LAMA2: variants seen among roughly 807,000 people sequenced by gnomAD.
The protein encoded by LAMA2 is laminin subunit alpha 2, also known as laminin subunit alpha-2.
A neutral mutation model predicts 364.8 loss-of-function variants in LAMA2; 269 were observed. The ratio of observed to expected loss-of-function variants is 0.74; its 90% CI spans 0.67 to 0.82. The LOEUF (loss-of-function observed/expected upper bound fraction) is 0.82, where lower values mean the gene tolerates loss of function less well. Ranked by LOEUF, LAMA2 falls within the 40% of genes least tolerant of loss-of-function variation. The probability of loss-of-function intolerance (pLI) is 0.00; values close to 1 mark genes in which losing one functional copy is unlikely to be tolerated. For missense variants in LAMA2, 3,807 were observed against 3,873.2 expected (o/e 0.98, Z 0.45); for synonymous variants, 1,379 against 1,370.6 (o/e 1.01, Z -0.14).
intron 56 of LAMA2, among the ~76,000 whole-genome samples, chr6:129,488,214 G>A (rs149764064): frequency 6.6e-6 from 1 of 152,270 alleles, no homozygotes; most frequent in Admixed American, 6.5e-5. Flanking sequence ...GGAGGCTGAG[G>A]CAGGAGAAAT....
In LAMA2 at chr6:129,297,646, T is replaced by C. The variant is rs117096733; in HGVS notation, c.2857-39T>C. ...GCATCTTGCTTCACTTCGAGTTAACTGATTTAAATTTAATTTTTCTCTCCT... is the reference window on the plus strand; with the variant it reads ...GCATCTTGCTTCACTTCGAGTTAACCGATTTAAATTTAATTTTTCTCTCCT... On this transcript the variant is annotated intron_variant, in intron 20 of 64. Coordinates refer to ENST00000421865, the MANE Select transcript of LAMA2 (RefSeq NM_000426.4). The C allele has an allele frequency of 0.014, 22,693 of 1,598,178 alleles. 205 individuals are homozygous for C. The highest frequency in any genetic ancestry group is 0.017 in the Non-Finnish European group (19,461 of 1,167,394).
intron 1 of LAMA2, among the ~76,000 whole-genome samples, chr6:128,913,396 A>G (rs1044471838): frequency 9.2e-5 from 14 of 152,192 alleles, no homozygotes; most frequent in African/African-American, 3.4e-4. Context: ...ACACATTTCT[A>G]TGAAAAAAAG....
chr6:129,200,154 G>GTA (rs200780219), intron 12 of LAMA2, among the ~76,000 whole-genome samples: 26 of 133,208 alleles, frequency 2.0e-4, no homozygotes, highest in Admixed American at 5.3e-4. Context: ...ATATACACGT[G>GTA]TATATATATA....
At chr6:129,191,361 A>T (rs1300113545) in intron 11 of LAMA2, among the ~76,000 whole-genome samples, 1 of 152,238 alleles carries the variant, frequency 6.6e-6, no homozygotes, top group African/African-American at 2.4e-5. Context: ...ATGAAATATT[A>T]TCTATACGTT....
intron 4 of LAMA2, among the ~76,000 whole-genome samples, chr6:129,133,262 G>A (rs1393119480): frequency 1.3e-5 from 2 of 152,132 alleles, no homozygotes; most frequent in Admixed American, 6.5e-5. Flanking sequence ...GCTAGGCCAG[G>A]GGCTGTATTT....
intron 32 of LAMA2, among the ~76,000 whole-genome samples, chr6:129,363,777 G>T (rs894615058): frequency 6.6e-6 from 1 of 152,154 alleles, no homozygotes; most frequent in Non-Finnish European, 1.5e-5. Flanking sequence ...TGGTTCTGAG[G>T]CCCACTAAAG....
intron 12 of LAMA2, among the ~76,000 whole-genome samples, chr6:129,202,187 CA>C (rs776190977): frequency 0.12 from 7,528 of 62,092 alleles, 169 homozygotes; most frequent in African/African-American, 0.24. Context: ...GAGTCTGTCT[CA>C]AAAAAAAAAA....
chr6:128,996,172 G>A (rs1263069611), intron 1 of LAMA2, among the ~76,000 whole-genome samples: 1 of 152,162 alleles, frequency 6.6e-6, no homozygotes, highest in Non-Finnish European at 1.5e-5. Context: ...AAAATGGCGA[G>A]TGAATGCTGT....
At position 129,483,296 on chromosome 6, in the gene LAMA2, C is replaced by T. The variant is rs116663322; in HGVS notation, c.7749+1857C>T. Reference sequence around the variant, plus strand: ...ATAAACATTTGCTATAAAATCAAGCCCAAGAAACAGATGACTATTTTGACT... The same window carrying T: ...ATAAACATTTGCTATAAAATCAAGCTCAAGAAACAGATGACTATTTTGACT... On this transcript the variant is annotated intron_variant, in intron 55 of 64. Coordinates refer to ENST00000421865, the MANE Select transcript of LAMA2 (RefSeq NM_000426.4). Among the ~76,000 whole-genome samples the T allele has an allele frequency of 4.1e-3, 621 of 150,960 alleles. 6 individuals are homozygous for T. The highest frequency in any genetic ancestry group is 0.014 in the African/African-American group (593 of 41,334).
intron 1 of LAMA2, among the ~76,000 whole-genome samples, chr6:128,958,300 G>C (rs537409405): frequency 6.6e-6 from 1 of 152,120 alleles, no homozygotes; most frequent in South Asian, 2.1e-4. Flanking sequence ...GCTTCTTAGA[G>C]CAAAAGTTTT....
intron 31 of LAMA2, among the ~76,000 whole-genome samples, chr6:129,351,188 GA>G (rs956977307): frequency 9.9e-5 from 15 of 150,828 alleles, no homozygotes; most frequent in Admixed American, 2.6e-4. Flanking sequence ...AGTAATTCAT[GA>G]AAAAAAAATT....
intron 1 of LAMA2, among the ~76,000 whole-genome samples, chr6:128,900,821 A>G (rs1777041794): frequency 6.6e-6 from 1 of 152,194 alleles, no homozygotes; most frequent in African/African-American, 2.4e-5. Flanking sequence ...GCAAAAATGA[A>G]AACTCCCCTC....
chr6:128,960,296 T>A (rs941291398), intron 1 of LAMA2, among the ~76,000 whole-genome samples: 1 of 151,984 alleles, frequency 6.6e-6, no homozygotes, highest in Non-Finnish European at 1.5e-5. Flanking sequence ...ATTAATCCCC[T>A]AGCTTTTTGT....
At chr6:129,438,160 G>T (rs905944577) in intron 41 of LAMA2, among the ~76,000 whole-genome samples, 2 of 151,518 alleles carry the variant, frequency 1.3e-5, no homozygotes, top group African/African-American at 4.8e-5. Flanking sequence ...TTTCTTTAAT[G>T]TGTATTTTTG....
chr6:129,497,162 T>C (rs1785252001), intron 58 of LAMA2, among the ~76,000 whole-genome samples: 1 of 152,234 alleles, frequency 6.6e-6, no homozygotes, highest in East Asian at 1.9e-4. Flanking sequence ...GTAATGATGA[T>C]ATATACATTG....
intron 23 of LAMA2, among the ~76,000 whole-genome samples, chr6:129,314,230 C>T (rs187701040): frequency 7.1e-4 from 108 of 152,118 alleles, no homozygotes; most frequent in African/African-American, 2.5e-3. Flanking sequence ...GAAACCCCGT[C>T]TCTACTAAAA....
intron 9 of LAMA2, among the ~76,000 whole-genome samples, chr6:129,174,020 T>C (rs1299112292): frequency 6.6e-6 from 1 of 152,100 alleles, no homozygotes. Context: ...CTGTTGATAA[T>C]TTCTAGTGCA....
chr6:129,491,909 C>T lies in LAMA2; in HGVS notation c.7907C>T (p.Thr2636Ile). The T allele has an allele frequency of 1.2e-6, 2 of 1,607,580 alleles. No homozygotes were observed. The highest frequency in any genetic ancestry group is 1.7e-6 in the Non-Finnish European group (2 of 1,174,082). The change falls in exon 57 of 65, where the codon ACA (threonine) becomes ATA (isoleucine). Residue 2636 changes from threonine to isoleucine, a missense_variant. Physicochemically the swap from Thr to Ile is moderately conservative, Grantham distance 89 (BLOSUM62 -1). Around this residue, in one of 3 missense-constraint regions of LAMA2, gnomAD observed 3,333 missense variants for 3,345.7 expected, o/e 1.00. Coordinates refer to ENST00000421865, the MANE Select transcript of LAMA2 (RefSeq NM_000426.4). ...VHVERTRGIF[T>I]VQVDENRRYM... The stretch of plus-strand genomic sequence containing the variant: ...TTTTAATATTTTATCAGCATCTTTA[C>T]AGTTCAAGTGGATGAAAACAGAAGA...
intron 35 of LAMA2, among the ~76,000 whole-genome samples, chr6:129,383,804 G>A (rs553486401): frequency 1.3e-5 from 2 of 152,196 alleles, no homozygotes; most frequent in Non-Finnish European, 2.9e-5. Flanking sequence ...CCCAAATTAA[G>A]AAACTTAAAG....
Sources: allele counts gnomAD v4.1 joint callset (sites outside exome capture counted in the v4.1 genomes callset), GRCh38; gene constraint gnomAD v4.1.1; regional missense constraint gnomAD v4.1.1; transcripts MANE v1.5; gene names NCBI Gene and HGNC (gene_info 2026-07-23, HGNC 2026-07-21).